Variants in SUPT3H observed in about 807,000 individuals in gnomAD.
SUPT3H encodes the protein SPT3 homolog, SAGA and STAGA complex component.
A neutral mutation model predicts 44.3 loss-of-function variants in SUPT3H; 44 were observed. That is an observed-to-expected ratio of 0.99 (90% CI 0.78 to 1.28). SUPT3H has a LOEUF of 1.28. SUPT3H is among the 50% of genes most tolerant of loss of function. SUPT3H has a pLI of 0.00. For missense variants in SUPT3H, 380 were observed against 387.1 expected (o/e 0.98, Z 0.15); for synonymous variants, 124 against 125.6 (o/e 0.99, Z 0.09).
At chr6:44,894,789 T>A (rs1325675187) in intron 10 of SUPT3H, among the ~76,000 whole-genome samples, 2 of 151,712 alleles carry the variant, frequency 1.3e-5, no homozygotes, top group Non-Finnish European at 2.9e-5. Context: ...AACGCCCTTA[T>A]AGGCCAGGAA....
At chr6:45,062,680 G>A (rs140397205) in intron 3 of SUPT3H, among the ~76,000 whole-genome samples, 9 of 152,272 alleles carry the variant, frequency 5.9e-5, no homozygotes, top group Admixed American at 4.6e-4. Flanking sequence ...TTCCCTTTCC[G>A]AGTCAAAGAA....
intron 5 of SUPT3H, among the ~76,000 whole-genome samples, chr6:45,004,333 A>T (rs1240904407): frequency 6.6e-6 from 1 of 152,090 alleles, no homozygotes; most frequent in Non-Finnish European, 1.5e-5. Context: ...CAAAATGAAT[A>T]ACACAAAGGA....
chr6:45,318,095 C>CA (rs1400538039), intron 2 of SUPT3H, among the ~76,000 whole-genome samples: 4 of 151,994 alleles, frequency 2.6e-5, no homozygotes, highest in Non-Finnish European at 4.4e-5. Flanking sequence ...GAGTCAATTC[C>CA]AACTACATGA....
At chr6:45,296,185 T>TACACACACACACACACAC (rs201077641) in intron 2 of SUPT3H, among the ~76,000 whole-genome samples, 1,821 of 140,474 alleles carry the variant, frequency 0.013, 30 homozygotes, top group South Asian at 0.03. Context: ...ATACACATAC[T>TACACACACACACACACAC]ACACACACAC....
At chr6:45,285,768 A>C (rs1299050625) in intron 2 of SUPT3H, among the ~76,000 whole-genome samples, 1 of 152,194 alleles carries the variant, frequency 6.6e-6, no homozygotes, top group Admixed American at 6.5e-5. Flanking sequence ...GGAACCAAAA[A>C]AGAGCCTGCA....
intron 10 of SUPT3H, among the ~76,000 whole-genome samples, chr6:44,903,670 A>G (rs9472403): frequency 0.34 from 52,242 of 152,150 alleles, 10,057 homozygotes; most frequent in East Asian, 0.56. Context: ...AATCCTCCCT[A>G]ACTCATTTTA....
chr6:45,198,733 T>TTTTAATTCCATATACACAG (rs67670387), intron 2 of SUPT3H, among the ~76,000 whole-genome samples: 1 of 150,980 alleles, frequency 6.6e-6, no homozygotes, highest in East Asian at 1.9e-4. Flanking sequence ...TGCTATATCT[T>TTTTAATTCCATATACACAG]TCCTTGAGTT....
chr6:44,977,754 G>A (rs1319888845), intron 6 of SUPT3H, among the ~76,000 whole-genome samples: 2 of 152,004 alleles, frequency 1.3e-5, no homozygotes, highest in African/African-American at 2.4e-5. Flanking sequence ...TTTTCTATCT[G>A]ATCAAGTAAA....
intron 3 of SUPT3H, among the ~76,000 whole-genome samples, chr6:45,082,364 A>T (rs1291038457): frequency 6.6e-6 from 1 of 152,168 alleles, no homozygotes; most frequent in South Asian, 2.1e-4. Flanking sequence ...CTTCAGGCCA[A>T]TATCTCTGAC....
intron 2 of SUPT3H, among the ~76,000 whole-genome samples, chr6:45,320,949 CTTT>C (rs1465143670): frequency 1.3e-4 from 19 of 151,942 alleles, no homozygotes; most frequent in Admixed American, 1.2e-3. Context: ...TGTAAATAAA[CTTT>C]TTAAGGCTTT....
intron 2 of SUPT3H, among the ~76,000 whole-genome samples, chr6:45,113,074 T>C (rs1562484258): frequency 6.7e-6 from 1 of 150,154 alleles, no homozygotes; most frequent in Non-Finnish European, 1.5e-5. Context: ...TTAAGAAGGC[T>C]CTGGGTAACT....
intron 3 of SUPT3H, among the ~76,000 whole-genome samples, chr6:45,099,446 T>C (rs1376001100): frequency 1.3e-5 from 2 of 152,204 alleles, no homozygotes; most frequent in African/African-American, 4.8e-5. Context: ...ATGCTTACTT[T>C]CCTCAATTCA....
At chr6:45,129,745 A>T (rs1797149) in intron 2 of SUPT3H, among the ~76,000 whole-genome samples, 131,757 of 151,614 alleles carry the variant, frequency 0.87, 57,487 homozygotes, top group African/African-American at 0.91. Flanking sequence ...GCGAAGACGT[A>T]TACTACTTAT....
At chr6:45,142,736 C>CAAAAAAAA (rs70993502) in intron 2 of SUPT3H, among the ~76,000 whole-genome samples, 385 of 14,964 alleles carry the variant, frequency 0.026, 98 homozygotes, top group Non-Finnish European at 0.037. Context: ...AACTCCGTCT[C>CAAAAAAAA]AAAAAAAAAA....
intron 2 of SUPT3H, among the ~76,000 whole-genome samples, chr6:45,323,600 C>A (rs775659501): frequency 6.6e-6 from 1 of 151,974 alleles, no homozygotes; most frequent in Non-Finnish European, 1.5e-5. Flanking sequence ...CAAATTGTAA[C>A]GAAATATACA....
At chr6:45,037,190 A>G (rs1246599280) in intron 3 of SUPT3H, among the ~76,000 whole-genome samples, 1 of 152,148 alleles carries the variant, frequency 6.6e-6, no homozygotes, top group East Asian at 1.9e-4. Flanking sequence ...TTCAGAGCCA[A>G]AACGATGACC....
At position 45,014,873 on chromosome 6, in the gene SUPT3H, G is replaced by A; in HGVS notation, c.292C>T (p.Leu98=). The change falls in exon 5 of 11, where the codon CTA becomes TTA. Residue 98 remains leucine (L), a synonymous_variant. Transcript: ENST00000371459. ...TAGTCTCGGATAAACATGTATTTTA[G>A]CAGTCTTCTAAGTTTTTTCTATTAA... The part of the protein sequence containing the change: ...RKDKKKLRRL[L]KYMFIRDYKS... 1 of 1,577,992 alleles carries A rather than the reference G, an allele frequency of 6.3e-7. No homozygotes were observed. Among genetic ancestry groups the A allele is most frequent in the Non-Finnish European group, 8.6e-7 (1 of 1,164,794 alleles).
chr6:44,929,856 C>A (rs1477493749), intron 10 of SUPT3H, among the ~76,000 whole-genome samples: 1 of 151,848 alleles, frequency 6.6e-6, no homozygotes. Context: ...ACAAATCCAT[C>A]CCATTTTAAT....
intron 3 of SUPT3H, among the ~76,000 whole-genome samples, chr6:45,102,977 C>A (rs1333289321): frequency 2.7e-5 from 4 of 150,832 alleles, no homozygotes; most frequent in African/African-American, 7.3e-5. Flanking sequence ...CAAAGAATTA[C>A]AGGAAAAAAC....
Sources: allele counts gnomAD v4.1 joint callset (sites outside exome capture counted in the v4.1 genomes callset), GRCh38; gene constraint gnomAD v4.1.1; transcripts MANE v1.5; gene names NCBI Gene and HGNC (gene_info 2026-07-23, HGNC 2026-07-21).